NSD1: variants seen among roughly 807,000 people sequenced by gnomAD.
NSD1 encodes histone-lysine N-methyltransferase, H3 lysine-36 specific.
Under a neutral mutation model 242.7 loss-of-function variants are expected in NSD1, and 26 were observed. The ratio of observed to expected loss-of-function variants is 0.11; its 90% CI spans 0.08 to 0.15. The LOEUF (loss-of-function observed/expected upper bound fraction) is 0.15, where lower values mean the gene tolerates loss of function less well. Ranked by LOEUF, NSD1 falls within the 10% of genes least tolerant of loss-of-function variation. The probability of loss-of-function intolerance (pLI) is 1.00; values close to 1 mark genes in which losing one functional copy is unlikely to be tolerated. For synonymous variants in NSD1, 1,106 were observed against 1,178.1 expected (o/e 0.94, Z 1.25); for missense variants, 2,495 against 3,272.8 (o/e 0.76, Z 5.80).
At chr5:177,291,894 C>T (rs965225900) in intron 21 of NSD1, 60 bp from the exon 22 acceptor site, 100 of 1,487,804 alleles carry the variant, frequency 6.7e-5, no homozygotes, top group Non-Finnish European at 8.6e-5. Flanking sequence ...GTAGTTAACC[C>T]GGTTAAGATT....
chr5:177,178,754 T>A (rs528059682), intron 2 of NSD1, among the ~76,000 whole-genome samples: 6 of 152,286 alleles, frequency 3.9e-5, no homozygotes, highest in African/African-American at 1.4e-4. Flanking sequence ...AAGTGCTTTG[T>A]TGAAAGTGTT....
chr5:177,192,729 C>T (rs1044339562), intron 3 of NSD1, among the ~76,000 whole-genome samples: 1 of 152,096 alleles, frequency 6.6e-6, no homozygotes, highest in Non-Finnish European at 1.5e-5. Context: ...CGGGGTTTCA[C>T]CATGTTGGCC....
intron 21 of NSD1, among the ~76,000 whole-genome samples, chr5:177,290,453 G>A (rs1759731381): frequency 6.6e-6 from 1 of 151,040 alleles, no homozygotes; most frequent in Non-Finnish European, 1.5e-5. Flanking sequence ...TGTTGCCCAG[G>A]CTGAAGTGCA....
intron 7 of NSD1, 26 bp from the exon 8 acceptor site, chr5:177,239,730 C>T: frequency 7.5e-7 from 1 of 1,340,542 alleles, no homozygotes; most frequent in African/African-American, 1.4e-5. Flanking sequence ...TCTAAATCAT[C>T]TAATGTAAAG....
In NSD1 at chr5:177,236,241, A is replaced by G. The variant is rs148056340; in HGVS notation, c.3921+296A>G. Among the ~76,000 whole-genome samples the G allele has an allele frequency of 2.6e-3, 392 of 152,328 alleles. 3 individuals carry two copies. The highest frequency in any genetic ancestry group is 8.7e-3 in the African/African-American group (363 of 41,574). ...AAAAATATAGGCTATAAAGTGAAAT[A>G]TATATAGTCTGACCCTAATTTCAAA... On this transcript the variant is annotated intron_variant, in intron 6 of 22. Coordinates refer to ENST00000439151, the MANE Select transcript of NSD1 (RefSeq NM_022455.5).
intron 2 of NSD1, among the ~76,000 whole-genome samples, chr5:177,158,634 G>A (rs533951223): frequency 5.9e-5 from 9 of 151,944 alleles, no homozygotes; most frequent in East Asian, 3.9e-4. Flanking sequence ...CACTGCATCC[G>A]GGCGTGGGTT....
chr5:177,230,760 A>G (rs1192526797), intron 5 of NSD1, among the ~76,000 whole-genome samples: 1 of 150,300 alleles, frequency 6.7e-6, no homozygotes, highest in Non-Finnish European at 1.5e-5. Flanking sequence ...CCATGAGGTG[A>G]AGGTTGCTGT....
In NSD1 at chr5:177,257,127, C is replaced by T. The variant is rs747842593; in HGVS notation, c.4942C>T (p.Pro1648Ser). Residue 1648 changes from proline to serine, a missense_variant, in exon 13 of 23, where the codon CCA (proline) becomes TCA (serine). Around this residue, in one of 19 missense-constraint regions of NSD1, gnomAD observed 32 missense variants for 46.9 expected, o/e 0.68. Transcript: ENST00000439151. ...HICITCHAAN[P>S]ANVSASKGRL... Reference sequence around the variant, plus strand: ...CTGTATAACCTGTCATGCTGCTAATCCAGCCAATGTTTCTGCATCTAAAGG... The same window carrying T: ...CTGTATAACCTGTCATGCTGCTAATTCAGCCAATGTTTCTGCATCTAAAGG... The T allele has an allele frequency of 1.2e-6, 2 of 1,614,046 alleles. No individual in the cohort carries two copies. Among genetic ancestry groups the T allele is most frequent in the East Asian group, 2.2e-5 (1 of 44,886 alleles).
At chr5:177,198,694 G>A (rs1300060396) in intron 3 of NSD1, among the ~76,000 whole-genome samples, 4 of 152,072 alleles carry the variant, frequency 2.6e-5, no homozygotes, top group Admixed American at 2.6e-4. Context: ...GTCTGTAATA[G>A]CCCTTTTTCA....
chr5:177,161,785 TCTC>T (rs925246484), intron 2 of NSD1, among the ~76,000 whole-genome samples: 1 of 151,616 alleles, frequency 6.6e-6, no homozygotes, highest in Non-Finnish European at 1.5e-5. Context: ...TTCAGGTGAT[TCTC>T]CTCCTCTAGC....
chr5:177,151,022 C>T (rs1721936421), intron 2 of NSD1, among the ~76,000 whole-genome samples: 1 of 152,088 alleles, frequency 6.6e-6, no homozygotes, highest in African/African-American at 2.4e-5. Flanking sequence ...ACTGAAAATA[C>T]GTTAAGTCTG....
intron 2 of NSD1, among the ~76,000 whole-genome samples, chr5:177,190,818 C>G (rs1190249827): frequency 6.7e-6 from 1 of 149,180 alleles, no homozygotes; most frequent in African/African-American, 2.5e-5. Flanking sequence ...TACAGGCGCC[C>G]GCCACCATGC....
intron 13 of NSD1, among the ~76,000 whole-genome samples, chr5:177,258,716 A>G (rs568391932): frequency 6.6e-6 from 1 of 151,922 alleles, no homozygotes; most frequent in Admixed American, 6.6e-5. Context: ...TTGTATTTTT[A>G]GTAGAGACAG....
chr5:177,252,634 C>G (rs1400322947), intron 12 of NSD1, among the ~76,000 whole-genome samples: 1 of 122,366 alleles, frequency 8.2e-6, no homozygotes, highest in African/African-American at 3.1e-5. Flanking sequence ...TCATTGTAGT[C>G]TTGAGCTCCT....
At chr5:177,151,350 C>T (rs577664628) in intron 2 of NSD1, among the ~76,000 whole-genome samples, 1 of 152,140 alleles carries the variant, frequency 6.6e-6, no homozygotes, top group Admixed American at 6.5e-5. Context: ...TGCCATTGCA[C>T]TCCAGCCTGG....
chr5:177,268,837 C>G (rs1757725945), intron 15 of NSD1, among the ~76,000 whole-genome samples: 1 of 152,132 alleles, frequency 6.6e-6, no homozygotes, highest in Non-Finnish European at 1.5e-5. Flanking sequence ...GTGGTTCATT[C>G]ATAGTTCACT....
chr5:177,251,825 A>G lies in NSD1; in HGVS notation c.4737A>G (p.Gly1579=). The part of the protein sequence containing the change: ...ECLGLTEMPR[G]KFICNECRTG... Reference sequence around the variant, plus strand: ...TTGGATTGACTGAGATGCCAAGAGGAAAATTTATCTGCAATGAATGTCGCA... The same window carrying G: ...TTGGATTGACTGAGATGCCAAGAGGGAAATTTATCTGCAATGAATGTCGCA... Residue 1579 remains glycine (G), a synonymous_variant, in exon 12 of 23, where the codon GGA becomes GGG. Coordinates refer to ENST00000439151, the MANE Select transcript of NSD1 (RefSeq NM_022455.5). 10 of 1,614,168 alleles carry G rather than the reference A, an allele frequency of 6.2e-6. No homozygotes were observed. The highest frequency in any genetic ancestry group is 7.6e-6 in the Non-Finnish European group (9 of 1,180,012).
intron 2 of NSD1, among the ~76,000 whole-genome samples, chr5:177,174,554 C>G (rs1760018855): frequency 6.6e-6 from 1 of 151,322 alleles, no homozygotes; most frequent in African/African-American, 2.4e-5. Context: ...GCCCAAAATA[C>G]TTATCTGAAT....
chr5:177,295,594 A>G lies in NSD1; in HGVS notation c.*135A>G. The G allele has an allele frequency of 1.1e-6, 1 of 924,972 alleles. No individual in the cohort carries two copies. Among genetic ancestry groups the G allele is most frequent in the Non-Finnish European group, 1.7e-6 (1 of 584,634 alleles). The allele number at this position is 924,972 out of a possible 1,614,324, so 57.3% of individuals were successfully genotyped here. A position where few individuals can be genotyped will look rare whatever the true frequency, so the allele number is the denominator to read the frequency against. ...TTTCCCACTGTTATTCTTTCCTCAT[A>G]TCCCAACACTCAGAACTCTTGTGAC... On this transcript the variant is annotated 3_prime_UTR_variant, in exon 23 of 23. Coordinates refer to ENST00000439151, the MANE Select transcript of NSD1 (RefSeq NM_022455.5). This position sits in a 1 kb window ranked among gnomAD's most constrained non-coding sequence, Gnocchi z 4.3.
Sources: gnomAD v4.1 joint callset for allele counts (sites outside exome capture counted in the v4.1 genomes callset) on GRCh38, gnomAD v4.1.1 for gene constraint, gnomAD v4.1.1 regional missense constraint, Gnocchi (gnomAD v3.1) non-coding constraint, MANE v1.5 for transcripts, NCBI Gene and HGNC (gene_info 2026-07-23, HGNC 2026-07-21) for gene names.